The following NUDCD3 variants were observed in gnomAD, a reference collection of about 807,000 sequenced individuals.
NUDCD3 encodes NudC domain containing 3, also known as nudC domain-containing protein 3.
NUDCD3 carries 13 observed loss-of-function variants against 39.7 expected under a neutral mutation model. That is an observed-to-expected ratio of 0.33 (90% confidence interval 0.21 to 0.52). The LOEUF (loss-of-function observed/expected upper bound fraction) is 0.52. NUDCD3 is among the 20% of genes least tolerant of loss of function. The pLI is 0.96. For missense variants in NUDCD3, 453 were observed against 458.1 expected (o/e 0.99, Z 0.10); for synonymous variants, 175 against 172.4 (o/e 1.02, Z -0.12).
intron 1 of NUDCD3, among the ~76,000 whole-genome samples, chr7:44,489,190 T>C (rs994826009): frequency 2.0e-5 from 3 of 152,204 alleles, no homozygotes; most frequent in Non-Finnish European, 4.4e-5. Context: ...CTTATCTGTT[T>C]CACAGAGACA....
chr7:44,481,962 G>A (rs1023765409), intron 2 of NUDCD3, among the ~76,000 whole-genome samples: 2 of 152,166 alleles, frequency 1.3e-5, no homozygotes, highest in African/African-American at 4.8e-5. Flanking sequence ...CACTGAATCT[G>A]CCAGTACCTT....
At chr7:44,462,662 C>T (rs538762479) in intron 2 of NUDCD3, among the ~76,000 whole-genome samples, 1 of 152,338 alleles carries the variant, frequency 6.6e-6, no homozygotes, top group South Asian at 2.1e-4. Context: ...GTCCTTGGGG[C>T]AGTCAATGGG....
chr7:44,468,266 A>G (rs374761122), intron 2 of NUDCD3: 1 of 1,592,742 alleles, frequency 6.3e-7, no homozygotes, highest in Non-Finnish European at 8.5e-7. Flanking sequence ...CAGAGTCACC[A>G]ACCCCAATGC....
chr7:44,422,938 C>T (rs1023024495), intron 3 of NUDCD3, among the ~76,000 whole-genome samples: 2 of 151,956 alleles, frequency 1.3e-5, no homozygotes, highest in African/African-American at 4.8e-5. Flanking sequence ...AAAAGCTTAT[C>T]TACTACGATC....
rs920326715 is a variant in NUDCD3 at position 44,382,386 on chromosome 7, AGTT to A, written c.*3622_*3624del. 2 of 152,078 alleles carry A rather than the reference AGTT, an allele frequency of 1.3e-5. No homozygotes were observed. The highest frequency in any genetic ancestry group is 4.8e-5 in the African/African-American group (2 of 41,432). 9.4% of individuals were successfully genotyped at this position (152,078 alleles called of 1,614,324 possible). A position where few individuals can be genotyped will look rare whatever the true frequency, so the allele number is the denominator to read the frequency against. On this transcript the variant is annotated 3_prime_UTR_variant, in exon 6 of 6. Transcript: ENST00000355451. ...CCATATTAGTGTGAGCTGGGTGAGT[AGTT>A]TAGTCTGAAATGACAGAATATTCAT...
At chr7:44,398,731 C>T (rs1798668428) in intron 4 of NUDCD3, among the ~76,000 whole-genome samples, 3 of 152,316 alleles carry the variant, frequency 2.0e-5, no homozygotes, top group East Asian at 1.9e-4. Flanking sequence ...CAGCTGCCCG[C>T]GTGATCGAGA....
chr7:44,403,112 G>T (rs1360992488), intron 4 of NUDCD3, among the ~76,000 whole-genome samples: 1 of 152,228 alleles, frequency 6.6e-6, no homozygotes, highest in African/African-American at 2.4e-5. Context: ...CACAGTATTT[G>T]CAGGCAGGAG....
chr7:44,411,902 G>A (rs956106121), intron 3 of NUDCD3, among the ~76,000 whole-genome samples: 5 of 152,212 alleles, frequency 3.3e-5, no homozygotes, highest in Non-Finnish European at 5.9e-5. Context: ...TGCACAGTGG[G>A]GAAATACAGA....
In NUDCD3 at chr7:44,471,612, A is replaced by C. The variant is rs144843161; in HGVS notation, c.509+13356T>G. Among the ~76,000 whole-genome samples, 580 of 152,334 alleles carry C rather than the reference A, an allele frequency of 3.8e-3. 4 individuals are homozygous for C. The highest frequency in any genetic ancestry group is 0.013 in the African/African-American group (555 of 41,586). On this transcript the variant is annotated intron_variant, in intron 2 of 5. Transcript: ENST00000355451. Reference sequence around the variant, plus strand: ...ACATAGAGGTTTTTTGTAAACACATAGGAGTGTGTAAACACATAGAAGTGT... The same window carrying C: ...ACATAGAGGTTTTTTGTAAACACATCGGAGTGTGTAAACACATAGAAGTGT...
At chr7:44,454,145 C>T (rs1019748396) in intron 2 of NUDCD3, among the ~76,000 whole-genome samples, 14 of 152,230 alleles carry the variant, frequency 9.2e-5, no homozygotes, top group Admixed American at 5.2e-4. Context: ...CAAGACCATC[C>T]TGGCTAACAC....
rs1484531912 is a variant in NUDCD3, at chr7:44,385,926, TC to T, written c.*84del. ...GCTAGGGGTAAACAAGACGAGCAAG[TC>T]CCTGGAATGCAGGGAGCCAAGAAGG... On this transcript the variant is annotated 3_prime_UTR_variant, in exon 6 of 6. Coordinates refer to ENST00000355451, the MANE Select transcript of NUDCD3 (RefSeq NM_015332.4). The T allele has an allele frequency of 1.3e-6, 1 of 751,330 alleles. No homozygotes were observed. Among genetic ancestry groups the T allele is most frequent in the Non-Finnish European group, 2.4e-6 (1 of 410,854 alleles). The allele number at this position is 751,330 out of a possible 1,614,324, so 46.5% of individuals were successfully genotyped here.
chr7:44,490,080 T>C lies in NUDCD3; in HGVS notation c.192+329A>G, dbSNP rs145172368. On this transcript the variant is annotated intron_variant, in intron 1 of 5. Coordinates refer to ENST00000355451, the MANE Select transcript of NUDCD3 (RefSeq NM_015332.4). ...GCATGCACGTTTCTGTTGCTGTAAA[T>C]GTCCTTCCTTCTGTCTGGCCTGCAT... 8.1e-4 allele frequency: 189 copies of C among 234,268 alleles called. 6 individuals carry two copies. The East Asian group carries it at 0.016, about 20-fold the overall frequency. 14.5% of individuals were successfully genotyped at this position (234,268 alleles called of 1,614,324 possible).
In NUDCD3 at chr7:44,427,653, C is replaced by T. The variant is rs778099333; in HGVS notation, c.560G>A (p.Arg187Gln). Residue 187 changes from arginine (R) to glutamine (Q), a missense_variant, in exon 3 of 6, where the codon CGA becomes CAA. Physicochemically the swap from Arg to Gln is conservative, Grantham distance 43. Coordinates refer to ENST00000355451, the MANE Select transcript of NUDCD3 (RefSeq NM_015332.4). Reference sequence around the variant, plus strand: ...GTCCTGTGACCAGGTGTAGTTCTCTCGGACAGCACCATTGTAACTGTCGGG... The same window carrying T: ...GTCCTGTGACCAGGTGTAGTTCTCTTGGACAGCACCATTGTAACTGTCGGG... ...KNPDSYNGAV[R>Q]ENYTWSQDYT... is the part of the protein sequence containing the mutation. 1.2e-5 allele frequency: 20 copies of T among 1,613,394 alleles called. No individual in the cohort carries two copies. The South Asian group carries it at 1.5e-4, about 12-fold the overall frequency.
At chr7:44,458,669 A>C (rs1435489258) in intron 2 of NUDCD3, among the ~76,000 whole-genome samples, 1 of 151,924 alleles carries the variant, frequency 6.6e-6, no homozygotes, top group African/African-American at 2.4e-5. Flanking sequence ...GGGGGAAAAA[A>C]AAAGTTCTGG....
Position 44,421,088 on chromosome 7 carries a change from C to T in NUDCD3, c.642+6483G>A, listed in dbSNP as rs139252626. Reference sequence around the variant, plus strand: ...GTGGCTCACACCTGTAATCCCAGAGCTTTGGGAGGCCAAGGTGGGTGGATC... The same window carrying T: ...GTGGCTCACACCTGTAATCCCAGAGTTTTGGGAGGCCAAGGTGGGTGGATC... On this transcript the variant is annotated intron_variant, in intron 3 of 5. Coordinates refer to ENST00000355451, the MANE Select transcript of NUDCD3 (RefSeq NM_015332.4). Among the ~76,000 whole-genome samples the T allele has an allele frequency of 4.1e-3, 629 of 152,256 alleles. 5 individuals carry two copies. Among genetic ancestry groups the T allele is most frequent in the African/African-American group, 0.015 (605 of 41,556 alleles).
chr7:44,406,198 GCTAACCACAGGCGGCTCTGC>G (rs1798816821), intron 3 of NUDCD3, among the ~76,000 whole-genome samples: 1 of 152,238 alleles, frequency 6.6e-6, no homozygotes, highest in South Asian at 2.1e-4. Context: ...AAGATATTCT[GCTAACCACAGGCGGCTCTGC>G]CAGGTTCACA....
intron 2 of NUDCD3, among the ~76,000 whole-genome samples, chr7:44,435,918 G>A (rs1446453744): frequency 1.3e-5 from 2 of 152,152 alleles, no homozygotes; most frequent in Non-Finnish European, 2.9e-5. Flanking sequence ...AGAGAAGCAT[G>A]GCCATCACAA....
At chr7:44,477,210 G>A (rs1800390376) in intron 2 of NUDCD3, among the ~76,000 whole-genome samples, 1 of 152,074 alleles carries the variant, frequency 6.6e-6, no homozygotes, top group African/African-American at 2.4e-5. Flanking sequence ...CTGCTTCCCT[G>A]CCCAGGGCAG....
At chr7:44,459,371 C>A (rs1458599294) in intron 2 of NUDCD3, among the ~76,000 whole-genome samples, 1 of 151,554 alleles carries the variant, frequency 6.6e-6, no homozygotes, top group Non-Finnish European at 1.5e-5. Context: ...GCTAATTTTT[C>A]AAGACGGGAT....
Sources: gnomAD v4.1 joint callset for allele counts (sites outside exome capture counted in the v4.1 genomes callset) on GRCh38, gnomAD v4.1.1 for gene constraint, MANE v1.5 for transcripts, NCBI Gene and HGNC (gene_info 2026-07-23, HGNC 2026-07-21) for gene names.